Variants in ZBTB20 observed in about 807,000 individuals in gnomAD.
ZBTB20 encodes zinc finger and BTB domain-containing protein 20.
ZBTB20 carries 9 observed loss-of-function variants against 56.9 expected under a neutral mutation model. That is an observed-to-expected ratio of 0.16 (90% CI 0.10 to 0.28). The LOEUF is 0.28. Among genes scored for constraint, ZBTB20 ranks in the 10% least tolerant of loss-of-function variants. The probability of loss-of-function intolerance (pLI) is 1.00; values close to 1 mark genes in which losing one functional copy is unlikely to be tolerated. For synonymous variants in ZBTB20, 417 were observed against 420.7 expected (o/e 0.99, Z 0.11); for missense variants, 655 against 1,003.0 (o/e 0.65, Z 4.69).
At chr3:114,640,021 T>A (rs902387208) in intron 6 of ZBTB20, among the ~76,000 whole-genome samples, 3 of 152,114 alleles carry the variant, frequency 2.0e-5, no homozygotes, top group African/African-American at 7.2e-5. Flanking sequence ...AATTTTTTTT[T>A]ATCAATTACT....
intron 3 of ZBTB20, among the ~76,000 whole-genome samples, chr3:114,948,142 G>A (rs1211723863): frequency 6.9e-6 from 1 of 144,534 alleles, no homozygotes. Flanking sequence ...TGCAAGGGTG[G>A]ATTAACATTC....
intron 5 of ZBTB20, among the ~76,000 whole-genome samples, chr3:114,765,935 T>C (rs1174081958): frequency 6.6e-6 from 1 of 151,726 alleles, no homozygotes; most frequent in East Asian, 1.9e-4. Flanking sequence ...AAAGAAAGAG[T>C]CCCCAACCTC....
At chr3:114,613,662 C>A (rs558612238) in intron 6 of ZBTB20, among the ~76,000 whole-genome samples, 1 of 152,196 alleles carries the variant, frequency 6.6e-6, no homozygotes, top group East Asian at 1.9e-4. Flanking sequence ...GCATGGATTC[C>A]TTATATGTTC....
At chr3:114,962,587 G>A (rs1371145805) in intron 3 of ZBTB20, among the ~76,000 whole-genome samples, 2 of 151,956 alleles carry the variant, frequency 1.3e-5, no homozygotes, top group Non-Finnish European at 2.9e-5. Context: ...CTTAACAGTC[G>A]ATCTTAAATT....
At chr3:114,645,072 T>G (rs140708607) in intron 6 of ZBTB20, among the ~76,000 whole-genome samples, 42 of 152,100 alleles carry the variant, frequency 2.8e-4, no homozygotes, top group African/African-American at 1.0e-3. Context: ...CACTATGAGC[T>G]CCACGATGTT....
At chr3:114,832,520 G>C (rs2073905964) in intron 4 of ZBTB20, among the ~76,000 whole-genome samples, 1 of 151,806 alleles carries the variant, frequency 6.6e-6, no homozygotes, top group Non-Finnish European at 1.5e-5. Context: ...AGGGAACAAG[G>C]GGACAGCCAC....
At chr3:114,583,887 G>A (rs2054906530) in intron 6 of ZBTB20, among the ~76,000 whole-genome samples, 1 of 152,288 alleles carries the variant, frequency 6.6e-6, no homozygotes, top group South Asian at 2.1e-4. Context: ...ATCTCTGAGG[G>A]AGTATTGCCT....
chr3:115,012,150 G>A (rs1254772822), intron 2 of ZBTB20, among the ~76,000 whole-genome samples: 2 of 151,666 alleles, frequency 1.3e-5, no homozygotes, highest in African/African-American at 4.8e-5. Context: ...AAGGAAAGAA[G>A]GAAGAGAAGA....
intron 11 of ZBTB20, among the ~76,000 whole-genome samples, chr3:114,349,493 A>G (rs763791836): frequency 9.9e-5 from 15 of 152,166 alleles, no homozygotes; most frequent in Non-Finnish European, 1.8e-4. Context: ...AATCCCTAAA[A>G]ATGTTCATCC....
At chr3:114,749,645 G>C (rs2067407330) in intron 5 of ZBTB20, among the ~76,000 whole-genome samples, 1 of 151,394 alleles carries the variant, frequency 6.6e-6, no homozygotes, top group Admixed American at 6.6e-5. Flanking sequence ...GCCTCCAAGT[G>C]AATTATACTA....
At chr3:114,697,927 A>G (rs539244801) in intron 5 of ZBTB20, among the ~76,000 whole-genome samples, 1 of 152,150 alleles carries the variant, frequency 6.6e-6, no homozygotes, top group East Asian at 1.9e-4. Context: ...TGAGCTGGTG[A>G]CCCCAATATT....
chr3:114,732,321 TCTC>T (rs748246879), intron 5 of ZBTB20, among the ~76,000 whole-genome samples: 2 of 152,266 alleles, frequency 1.3e-5, no homozygotes, highest in East Asian at 3.9e-4. Flanking sequence ...TTTAGGCTCT[TCTC>T]CTTTTCCTTT....
intron 3 of ZBTB20, among the ~76,000 whole-genome samples, chr3:114,969,429 A>C (rs1331829644): frequency 6.6e-6 from 1 of 152,226 alleles, no homozygotes. Context: ...ACACAATTAT[A>C]CAATAAAATA....
At chr3:115,036,089 T>C (rs985135297) in intron 2 of ZBTB20, among the ~76,000 whole-genome samples, 1 of 151,822 alleles carries the variant, frequency 6.6e-6, no homozygotes, top group African/African-American at 2.4e-5. Context: ...AAATGAGGAG[T>C]TGTTCTTTTA....
intron 6 of ZBTB20, among the ~76,000 whole-genome samples, chr3:114,672,546 C>T (rs11711196): frequency 0.058 from 8,799 of 152,184 alleles, 339 homozygotes; most frequent in Middle Eastern, 0.15. Flanking sequence ...TCTTCTCCAT[C>T]CAGGCAGCAC....
rs372206972 is a variant in ZBTB20 at position 114,429,492 on chromosome 3, C to A, written c.-254-40387G>T. 4.6e-5 allele frequency among the ~76,000 whole-genome samples: 7 copies of A among 152,238 alleles called. No homozygotes were observed. In the East Asian group the frequency reaches 9.7e-4, roughly 21 times the overall value. On this transcript the variant is annotated intron_variant, in intron 7 of 11. Transcript: ENST00000675478. ...CCATCCTAAATTCAATGCCCTAACT[C>A]GGTAGCTCAGAAACAGAGCTCTCTA...
At chr3:114,576,812 AAGTG>A (rs1264286750) in intron 6 of ZBTB20, among the ~76,000 whole-genome samples, 3 of 150,600 alleles carry the variant, frequency 2.0e-5, no homozygotes, top group Non-Finnish European at 3.0e-5. Flanking sequence ...GAGAGTGAGA[AAGTG>A]AGTGAGAATA....
At chr3:115,032,107 G>A (rs1443183991) in intron 2 of ZBTB20, among the ~76,000 whole-genome samples, 3 of 151,364 alleles carry the variant, frequency 2.0e-5, no homozygotes, top group African/African-American at 7.3e-5. Flanking sequence ...AGATTTATCT[G>A]GTGGTCCTAA....
intron 2 of ZBTB20, among the ~76,000 whole-genome samples, chr3:114,996,532 T>C (rs1230514635): frequency 6.6e-6 from 1 of 152,018 alleles, no homozygotes; most frequent in East Asian, 1.9e-4. Context: ...GCAAAGAACA[T>C]GAACTCATCC....
Sources: gnomAD v4.1 joint callset for allele counts (sites outside exome capture counted in the v4.1 genomes callset) on GRCh38, gnomAD v4.1.1 for gene constraint, MANE v1.5 for transcripts, NCBI Gene and HGNC (gene_info 2026-07-23, HGNC 2026-07-21) for gene names.